Variants in C10orf67 observed in about 807,000 individuals in gnomAD.
C10orf67 encodes the protein uncharacterized protein C10orf67, mitochondrial.
C10orf67 carries 60 observed loss-of-function variants against 35.6 expected under a neutral mutation model. The ratio of observed to expected loss-of-function variants is 1.68; its 90% CI spans 1.37 to 2.09. C10orf67 has a LOEUF of 2.09. Among genes scored for constraint, C10orf67 ranks in the 30% most tolerant of loss-of-function variants. C10orf67 has a pLI of 0.00. For synonymous variants in C10orf67, 167 were observed against 115.8 expected, an observed-to-expected ratio of 1.44 and a Z score of -2.84; for missense variants, 474 against 330.2, an observed-to-expected ratio of 1.44 and a Z score of -3.38.
chr10:23,232,853 C>A (rs7918596), intron 13 of C10orf67, among the ~76,000 whole-genome samples: 2 of 152,146 alleles, frequency 1.3e-5, no homozygotes, highest in Admixed American at 6.5e-5. Flanking sequence ...GATCCCACAA[C>A]AGCAGTCATT....
At chr10:23,222,359 A>G (rs867461987) in intron 15 of C10orf67, among the ~76,000 whole-genome samples, 1 of 152,194 alleles carries the variant, frequency 6.6e-6, no homozygotes, top group Non-Finnish European at 1.5e-5. Context: ...TCTATGGTTA[A>G]TTAAACTTCC....
At chr10:23,317,584 A>G (rs912919627) in intron 4 of C10orf67, 2 of 152,226 alleles carry the variant, frequency 1.3e-5, no homozygotes, top group African/African-American at 4.8e-5. Flanking sequence ...AAATGATTAC[A>G]TGGTTTATGG....
At chr10:23,330,353 C>G (rs1349187478) in intron 2 of C10orf67, among the ~76,000 whole-genome samples, 1 of 152,150 alleles carries the variant, frequency 6.6e-6, no homozygotes, top group Non-Finnish European at 1.5e-5. Flanking sequence ...GTCCCAGCTA[C>G]TCAGTAGGCT....
chr10:23,250,576 T>A (rs1189950865), intron 11 of C10orf67, 36 bp downstream of exon 11: 4 of 398,516 alleles, frequency 1.0e-5, no homozygotes, highest in Non-Finnish European at 4.4e-6. Context: ...GAACATTATA[T>A]CTCATTACCA....
chr10:23,276,515 C>T (rs1000684751), intron 8 of C10orf67, among the ~76,000 whole-genome samples: 9 of 151,898 alleles, frequency 5.9e-5, no homozygotes, highest in African/African-American at 2.2e-4. Flanking sequence ...GTGGGGGATC[C>T]CTCTCCCAAG....
At chr10:23,325,475 TAAAA>T (rs34980652) in intron 2 of C10orf67, among the ~76,000 whole-genome samples, 1 of 106,028 alleles carries the variant, frequency 9.4e-6, no homozygotes. Context: ...TTTGGGCTGC[TAAAA>T]AAAAAAAAAA....
At chr10:23,207,108 C>G (rs549708197) in intron 15 of C10orf67, among the ~76,000 whole-genome samples, 5 of 151,112 alleles carry the variant, frequency 3.3e-5, no homozygotes, top group Non-Finnish European at 7.4e-5. Flanking sequence ...CGAGAAAATG[C>G]AAAGGAGCTT....
chr10:23,304,579 C>G (rs1315671144), intron 4 of C10orf67, among the ~76,000 whole-genome samples: 1 of 152,110 alleles, frequency 6.6e-6, no homozygotes, highest in Non-Finnish European at 1.5e-5. Flanking sequence ...TGCCCAGGAG[C>G]CTGGCAGGAG....
chr10:23,251,557 C>A (rs190409832), intron 10 of C10orf67, among the ~76,000 whole-genome samples: 1 of 152,110 alleles, frequency 6.6e-6, no homozygotes, highest in Non-Finnish European at 1.5e-5. Context: ...GAGAGACTTC[C>A]GTGGATGTGG....
chr10:23,234,485 A>G (rs1204070517), intron 13 of C10orf67, among the ~76,000 whole-genome samples: 1 of 152,176 alleles, frequency 6.6e-6, no homozygotes, highest in Non-Finnish European at 1.5e-5. Context: ...ATGAGAACAC[A>G]TGGACATATA....
intron 10 of C10orf67, among the ~76,000 whole-genome samples, chr10:23,253,097 G>C (rs572091872): frequency 6.6e-6 from 1 of 152,230 alleles, no homozygotes; most frequent in South Asian, 2.1e-4. Flanking sequence ...TGATTGTGAG[G>C]CCTCCCCAGC....
intron 13 of C10orf67, among the ~76,000 whole-genome samples, chr10:23,231,920 C>T (rs1418580593): frequency 1.3e-5 from 2 of 152,068 alleles, no homozygotes; most frequent in East Asian, 1.9e-4. Context: ...TTTTCATTTA[C>T]TTATTTTTTA....
intron 5 of C10orf67, among the ~76,000 whole-genome samples, chr10:23,298,351 TC>T (rs1401752831): frequency 1.3e-5 from 2 of 152,190 alleles, no homozygotes; most frequent in African/African-American, 4.8e-5. Flanking sequence ...TGCAAGCTCA[TC>T]CCTCAGACCT....
intron 13 of C10orf67, among the ~76,000 whole-genome samples, chr10:23,239,089 G>T (rs899603115): frequency 6.6e-6 from 1 of 151,900 alleles, no homozygotes; most frequent in East Asian, 1.9e-4. Flanking sequence ...CCACAAACCC[G>T]ACTTGTCCTC....
intron 4 of C10orf67, among the ~76,000 whole-genome samples, chr10:23,306,699 A>C (rs1357583864): frequency 6.6e-6 from 1 of 152,124 alleles, no homozygotes; most frequent in African/African-American, 2.4e-5. Context: ...TGTTTACTTG[A>C]AATTTGCCAA....
intron 2 of C10orf67, among the ~76,000 whole-genome samples, chr10:23,332,723 G>C (rs1487968410): frequency 6.6e-6 from 1 of 150,890 alleles, no homozygotes; most frequent in Non-Finnish European, 1.5e-5. Flanking sequence ...GTCAAAATTT[G>C]ACAAAGCTGG....
chr10:23,311,136 C>T (rs909892718), intron 4 of C10orf67, among the ~76,000 whole-genome samples: 1 of 152,126 alleles, frequency 6.6e-6, no homozygotes, highest in Non-Finnish European at 1.5e-5. Context: ...CCAGCCACAC[C>T]TCACTTTTGA....
chr10:23,344,787 G>C lies in C10orf67; in HGVS notation c.-13C>G. 1 of 1,551,288 alleles carries C rather than the reference G, an allele frequency of 6.4e-7. No individual in the cohort carries two copies. Among genetic ancestry groups the C allele is most frequent in the African/African-American group, 1.4e-5 (1 of 73,212 alleles). On this transcript the variant is annotated 5_prime_UTR_variant, in exon 1 of 16. Transcript: ENST00000636213. ...GGACCAAGGCCATCATAAGAGGAGA[G>C]CAGGCTGCCTAATAAGCTGTCTCCA...
At chr10:23,221,557 A>C (rs1335553981) in intron 15 of C10orf67, among the ~76,000 whole-genome samples, 1 of 152,234 alleles carries the variant, frequency 6.6e-6, no homozygotes, top group Non-Finnish European at 1.5e-5. Context: ...GAAGATTAGC[A>C]ATAATCTTGG....
Sources: gnomAD v4.1 joint callset for allele counts (sites outside exome capture counted in the v4.1 genomes callset) on GRCh38, gnomAD v4.1.1 for gene constraint, MANE v1.5 for transcripts, NCBI Gene and HGNC (gene_info 2026-07-23, HGNC 2026-07-21) for gene names.